HK3: variants seen among roughly 807,000 people sequenced by gnomAD.
HK3 encodes the protein hexokinase-3.
In HK3, 93 loss-of-function variants were observed where a neutral mutation model predicts 91.0. That is an observed-to-expected ratio of 1.02 (90% CI 0.86 to 1.21). The LOEUF is 1.21. HK3 is among the 50% of genes most tolerant of loss of function. The pLI is 0.00. For synonymous variants in HK3, 519 were observed against 516.9 expected, an observed-to-expected ratio of 1.00 and a Z score of -0.06; for missense variants, 1,235 against 1,247.4, an observed-to-expected ratio of 0.99 and a Z score of 0.15.
At position 176,881,463 on chromosome 5, in the gene HK3, G is replaced by C; in HGVS notation, c.2466C>G (p.Ala822=). 1.2e-6 allele frequency: 2 copies of C among 1,609,142 alleles called. No individual in the cohort carries two copies. Among genetic ancestry groups the C allele is most frequent in the Non-Finnish European group, 1.7e-6 (2 of 1,180,002 alleles). ...CCTGGCACACCTCTAGCACCATCAG[G>C]GCGTCATCTGAGGTCAGGGGTAGCC... ...DLGLPLTSDD[A]LMVLEVCQAV... is the part of the protein sequence containing the mutation. Residue 822 remains alanine (A), a synonymous_variant, in exon 18 of 19, where the codon GCC becomes GCG. Transcript: ENST00000292432.
intron 1 of HK3, among the ~76,000 whole-genome samples, chr5:176,898,065 A>G (rs1392930762): frequency 2.6e-5 from 4 of 151,996 alleles, no homozygotes; most frequent in African/African-American, 7.3e-5. Context: ...CCTCTATGCA[A>G]TTGGATCTCA....
Position 176,882,120 on chromosome 5 carries a change from G to T in HK3, c.2061C>A (p.Gly687=). 6.2e-7 allele frequency: 1 copy of T among 1,612,846 alleles called. No individual in the cohort carries two copies. The highest frequency in any genetic ancestry group is 1.3e-5 in the African/African-American group (1 of 75,050). Residue 687 remains glycine (G), a synonymous_variant, in exon 16 of 19, where the codon GGC becomes GGA. Coordinates refer to ENST00000292432, the MANE Select transcript of HK3 (RefSeq NM_002115.3). ...RCEIGLIVGT[G]TNACYMEELR... ...GCTCCTCCATGTAGCAGGCATTGGTGCCGGTTCCTGCAGAGAGGCCAGACA... is the reference window on the plus strand; with the variant it reads ...GCTCCTCCATGTAGCAGGCATTGGTTCCGGTTCCTGCAGAGAGGCCAGACA...
intron 13 of HK3, among the ~76,000 whole-genome samples, chr5:176,886,177 G>C (rs892490077): frequency 6.6e-6 from 1 of 151,816 alleles, no homozygotes; most frequent in Non-Finnish European, 1.5e-5. Flanking sequence ...TGCAGTGAGT[G>C]AGCCAAGATC....
At position 176,884,002 on chromosome 5, in the gene HK3, G is replaced by A. The variant is rs748615884; in HGVS notation, c.1953+37C>T. The A allele has an allele frequency of 1.9e-6, 3 of 1,604,152 alleles. No homozygotes were observed. The South Asian group carries it at 3.3e-5, about 18-fold the overall frequency. ...AGACTCTTTGCTCCCCTCAAGGCCT[G>A]CCACAGCCCCAAAGCACCCCTAGAA... On this transcript the variant is annotated intron_variant, in intron 14 of 18. Transcript: ENST00000292432. This position sits in a 1 kb window ranked among gnomAD's most constrained non-coding sequence, Gnocchi z 4.1.
At chr5:176,881,262 T>A in intron 18 of HK3, 40 bp downstream of exon 18, 4 of 1,613,270 alleles carry the variant, frequency 2.5e-6, no homozygotes, top group Non-Finnish European at 2.5e-6. Flanking sequence ...CAGCCCCACC[T>A]GGCCACACCT....
At chr5:176,885,918 C>T (rs1758573759) in intron 13 of HK3, among the ~76,000 whole-genome samples, 1 of 152,020 alleles carries the variant, frequency 6.6e-6, no homozygotes, top group Non-Finnish European at 1.5e-5. Flanking sequence ...CAAAGGACCA[C>T]CGTGTAAAAG....
At chr5:176,882,459 G>A (rs1175125806) in intron 15 of HK3, among the ~76,000 whole-genome samples, 2 of 152,220 alleles carry the variant, frequency 1.3e-5, no homozygotes, top group East Asian at 1.9e-4. Flanking sequence ...AGCTCTCTGC[G>A]GTTGAGAGGC....
rs530902993 is a variant in HK3, at chr5:176,884,815, C to T, written c.1858-681G>A. 3.8e-4 allele frequency among the ~76,000 whole-genome samples: 58 copies of T among 152,286 alleles called. No homozygotes were observed. Among genetic ancestry groups the T allele is most frequent in the African/African-American group, 1.3e-3 (54 of 41,534 alleles). ...GGCAGGGGGAGCAGGAATTAGTCTA[C>T]AGCTGTTGGGAGAAAATTACTGCTT... On this transcript the variant is annotated intron_variant, in intron 13 of 18. Transcript: ENST00000292432. The surrounding 1 kb of genome is among the most constrained non-coding windows in gnomAD (Gnocchi z 4.1).
intron 17 of HK3, 46 bp downstream of exon 17, chr5:176,881,646 C>A: frequency 6.2e-7 from 1 of 1,609,668 alleles, no homozygotes; most frequent in East Asian, 2.2e-5. Context: ...CCACAGTGGA[C>A]AGAAAGACCC....
rs367553008 is a variant in HK3 at position 176,881,526 on chromosome 5, C to G, written c.2403G>C (p.Leu801=). The G allele has an allele frequency of 3.7e-6, 6 of 1,602,490 alleles. No individual in the cohort carries two copies. The African/African-American group carries it at 8.0e-5, about 21-fold the overall frequency. ...GGATGGCTCGGACCTGCCGCAGGGC[C>G]AGGCTGTCACTGGGGGCCAGGAAGG... ...KFLSEIESDS[L]ALRQVRAILE... Residue 801 remains leucine (L), a synonymous_variant, in exon 18 of 19, where the codon CTG becomes CTC. Transcript: ENST00000292432.
In HK3 at chr5:176,890,955, G is replaced by T. The variant is rs372638067; in HGVS notation, c.415-14C>A. 111 of 1,613,836 alleles carry T rather than the reference G, an allele frequency of 6.9e-5. No individual in the cohort carries two copies. The highest frequency in any genetic ancestry group is 2.9e-4 in the African/African-American group (22 of 75,022). On this transcript the variant is annotated splice_polypyrimidine_tract_variant and intron_variant, in intron 4 of 18. Transcript: ENST00000292432. ...AAAGTCAAAGAGCTGCAGGAGAAGTGGGGGGGCTCAGCCTTGCCCATCTGA... is the reference window on the plus strand; with the variant it reads ...AAAGTCAAAGAGCTGCAGGAGAAGTTGGGGGGCTCAGCCTTGCCCATCTGA...
rs138173448 is a variant in HK3 at position 176,881,092 on chromosome 5, G to A, written c.2753C>T (p.Ala918Val). The A allele has an allele frequency of 5.0e-5, 80 of 1,609,644 alleles. No individual in the cohort carries two copies. The highest frequency in any genetic ancestry group is 6.1e-5 in the Non-Finnish European group (72 of 1,178,588). ...GTTTCCTCAGACACGAGTCAACTGC[G>A]CAAGGCGGCAGGCAACAGCGGTGAC... The part of the protein sequence containing the change: ...ALVTAVACRL[A>V]QLTRV The change falls in exon 19 of 19, where the codon GCG (alanine) becomes GTG (valine). Residue 918 changes from alanine (A) to valine (V), a missense_variant. Coordinates refer to ENST00000292432, the MANE Select transcript of HK3 (RefSeq NM_002115.3).
At position 176,888,962 on chromosome 5, in the gene HK3, G is replaced by A. The variant is rs906990298; in HGVS notation, c.915-98C>T. On this transcript the variant is annotated intron_variant, in intron 8 of 18. Coordinates refer to ENST00000292432, the MANE Select transcript of HK3 (RefSeq NM_002115.3). The stretch of plus-strand genomic sequence containing the variant: ...TCCCAAAGAAGGATTCTTTTCTTTG[G>A]GGCTCCCAAACTGGAGACTCCAGAA... 4.9e-6 allele frequency: 7 copies of A among 1,415,984 alleles called. No homozygotes were observed. The Admixed American group carries it at 1.7e-4, about 34-fold the overall frequency. The allele number at this position is 1,415,984 out of a possible 1,614,324, so 87.7% of individuals were successfully genotyped here.
chr5:176,881,865 C>G lies in HK3; in HGVS notation c.2238-18G>C. On this transcript the variant is annotated intron_variant, in intron 16 of 18. Coordinates refer to ENST00000292432, the MANE Select transcript of HK3 (RefSeq NM_002115.3). The stretch of plus-strand genomic sequence containing the variant: ...TTTCAAACCTGCATGAACATGTGTG[C>G]ACTCGGCAGAAGGCCCCACCAGCCA... 6.2e-7 allele frequency: 1 copy of G among 1,607,008 alleles called. No homozygotes were observed.
chr5:176,888,702 G>T lies in HK3; in HGVS notation c.1070+7C>A. On this transcript the variant is annotated splice_region_variant and intron_variant, in intron 9 of 18. Coordinates refer to ENST00000292432, the MANE Select transcript of HK3 (RefSeq NM_002115.3). ...TCCCCCACTAAACCACCATCTCCCC[G>T]ACTCACTCCTCCATCTCAGCCACGT... 1.2e-6 allele frequency: 2 copies of T among 1,614,074 alleles called. No homozygotes were observed. Among genetic ancestry groups the T allele is most frequent in the South Asian group, 2.2e-5 (2 of 91,068 alleles).
chr5:176,888,960 T>A, intron 8 of HK3, 96 bp from the exon 9 acceptor site: 1 of 1,420,836 alleles, frequency 7.0e-7, no homozygotes, highest in Non-Finnish European at 9.4e-7. Context: ...TTCTTTTCTT[T>A]GGGGCTCCCA....
intron 15 of HK3, among the ~76,000 whole-genome samples, chr5:176,882,998 C>A (rs917036746): frequency 6.6e-6 from 1 of 152,206 alleles, no homozygotes; most frequent in African/African-American, 2.4e-5. Flanking sequence ...GCTGTGGGAT[C>A]CCTCCTCCCC....
rs34127573 is a variant in HK3, at chr5:176,882,081, C to A, written c.2100G>T (p.Ala700=). ...TGCGGCCTGAGTCCCCAGGCACGCC[C>A]GCCACATTCCGGAGCTCCTCCATGT... The part of the protein sequence containing the change: ...ACYMEELRNV[A]GVPGDSGRMC... The change falls in exon 16 of 19, where the codon GCG becomes GCT. Residue 700 remains alanine, a synonymous_variant. Transcript: ENST00000292432. 2 of 1,613,104 alleles carry A rather than the reference C, an allele frequency of 1.2e-6. No individual in the cohort carries two copies. Among genetic ancestry groups the A allele is most frequent in the Admixed American group, 3.3e-5 (2 of 60,026 alleles).
At chr5:176,898,799 A>AC (rs1758969553) in intron 1 of HK3, among the ~76,000 whole-genome samples, 1 of 152,174 alleles carries the variant, frequency 6.6e-6, no homozygotes, top group African/African-American at 2.4e-5. Flanking sequence ...CCTGAAAAGT[A>AC]CCCCAGGGAC....
Sources: allele counts gnomAD v4.1 joint callset (sites outside exome capture counted in the v4.1 genomes callset), GRCh38; gene constraint gnomAD v4.1.1; non-coding constraint Gnocchi (gnomAD v3.1); transcripts MANE v1.5; gene names NCBI Gene and HGNC (gene_info 2026-07-23, HGNC 2026-07-21).